SKAP1: variants seen among roughly 807,000 people sequenced by gnomAD.
The protein encoded by SKAP1 is src kinase associated phosphoprotein 1.
SKAP1 carries 44 observed loss-of-function variants against 58.5 expected under a neutral mutation model. The observed-to-expected ratio is 0.75, with a 90% CI of 0.59 to 0.97. The LOEUF (loss-of-function observed/expected upper bound fraction) is 0.97, where lower values mean the gene tolerates loss of function less well. Among genes scored for constraint, SKAP1 ranks in the 50% least tolerant of loss-of-function variants. The pLI is 0.00. For synonymous variants in SKAP1, 127 were observed against 149.7 expected (o/e 0.85, Z 1.11); for missense variants, 390 against 435.2 (o/e 0.90, Z 0.92).
chr17:48,210,090 A>G (rs2064853827), intron 4 of SKAP1, among the ~76,000 whole-genome samples: 1 of 152,212 alleles, frequency 6.6e-6, no homozygotes, highest in Admixed American at 6.5e-5. Flanking sequence ...CAGCTCTCCT[A>G]GGGATAAGGC....
chr17:48,153,947 ATTAAC>A (rs967671919), intron 11 of SKAP1, among the ~76,000 whole-genome samples: 2 of 152,142 alleles, frequency 1.3e-5, no homozygotes, highest in African/African-American at 2.4e-5. Flanking sequence ...AATTGAAGGA[ATTAAC>A]TTATCTGTTT....
At chr17:48,168,297 G>A (rs1396270765) in intron 10 of SKAP1, among the ~76,000 whole-genome samples, 1 of 152,086 alleles carries the variant, frequency 6.6e-6, no homozygotes, top group African/African-American at 2.4e-5. Context: ...AGCATCTTTT[G>A]GGAAAAAAGG....
At chr17:48,303,820 T>C (rs1474889533) in intron 4 of SKAP1, among the ~76,000 whole-genome samples, 3 of 152,198 alleles carry the variant, frequency 2.0e-5, no homozygotes, top group Non-Finnish European at 2.9e-5. Flanking sequence ...GATATTTTCT[T>C]GCTATCTATG....
intron 4 of SKAP1, among the ~76,000 whole-genome samples, chr17:48,247,619 G>A (rs946014773): frequency 6.6e-6 from 1 of 152,114 alleles, no homozygotes; most frequent in Non-Finnish European, 1.5e-5. Context: ...GTTGGAGATA[G>A]TAAGTCATAG....
chr17:48,333,684 A>G (rs961182527), intron 4 of SKAP1, among the ~76,000 whole-genome samples: 5 of 152,100 alleles, frequency 3.3e-5, no homozygotes, highest in African/African-American at 1.2e-4. Context: ...AGGGAATTAC[A>G]TTAAAATTTA....
chr17:48,441,294 A>C, the SKAP1 span, among the ~76,000 whole-genome samples: 7 of 152,182 alleles, frequency 4.6e-5, no homozygotes, highest in African/African-American at 1.7e-4. Flanking sequence ...CCTTTTACCT[A>C]CAGAGAGAAA....
At chr17:48,206,812 G>A (rs1222496181) in intron 4 of SKAP1, among the ~76,000 whole-genome samples, 1 of 152,100 alleles carries the variant, frequency 6.6e-6, no homozygotes, top group Non-Finnish European at 1.5e-5. Flanking sequence ...ACTGCTTGTA[G>A]TATTATTTGA....
intron 12 of SKAP1, chr17:48,136,828 AT>A (rs34823377): frequency 0.69 from 103,827 of 149,828 alleles, 37,186 homozygotes; most frequent in East Asian, 0.81. Context: ...CACCTGACTA[AT>A]TTTTTTTTTT....
At chr17:48,283,635 T>G (rs1371424501) in intron 4 of SKAP1, among the ~76,000 whole-genome samples, 1 of 152,218 alleles carries the variant, frequency 6.6e-6, no homozygotes, top group East Asian at 1.9e-4. Flanking sequence ...AGGATCTCAC[T>G]AACTCTTGAA....
At chr17:48,357,616 C>T (rs558181079) in intron 3 of SKAP1, among the ~76,000 whole-genome samples, 5 of 151,416 alleles carry the variant, frequency 3.3e-5, no homozygotes, top group East Asian at 3.9e-4. Flanking sequence ...GGTGACAGAG[C>T]GAGACTCTGT....
At chr17:48,404,701 A>G in intron 1 of SKAP1, among the ~76,000 whole-genome samples, 1 of 152,232 alleles carries the variant, frequency 6.6e-6, no homozygotes, top group East Asian at 1.9e-4. Context: ...AATAAAATAT[A>G]GAAAAAAGAA....
chr17:48,254,673 C>T (rs2065403814), intron 4 of SKAP1, among the ~76,000 whole-genome samples: 1 of 149,792 alleles, frequency 6.7e-6, no homozygotes, highest in African/African-American at 2.5e-5. Flanking sequence ...CTACTAGATG[C>T]AAGATGTAAA....
chr17:48,409,683 A>T (rs1030216980), intron 1 of SKAP1, among the ~76,000 whole-genome samples: 2 of 151,944 alleles, frequency 1.3e-5, no homozygotes, highest in East Asian at 3.9e-4. Context: ...AAAAAAAAAA[A>T]AAAGGAATGA....
chr17:48,193,244 T>C (rs113866544), intron 4 of SKAP1, among the ~76,000 whole-genome samples: 9,624 of 152,170 alleles, frequency 0.063, 436 homozygotes, highest in East Asian at 0.17. Context: ...GGTTTCTCCA[T>C]GTTGGTCAGG....
intron 1 of SKAP1, among the ~76,000 whole-genome samples, chr17:48,420,163 G>A (rs921652095): frequency 9.2e-5 from 14 of 152,178 alleles, no homozygotes; most frequent in Non-Finnish European, 2.9e-5. Context: ...TCTGTAGGGT[G>A]TAATGGCTTA....
chr17:48,173,970 A>T (rs1049806565), intron 9 of SKAP1, among the ~76,000 whole-genome samples: 13 of 152,202 alleles, frequency 8.5e-5, no homozygotes, highest in Non-Finnish European at 1.8e-4. Flanking sequence ...AAAATAGGAG[A>T]ATGTAAATGT....
chr17:48,220,553 C>T (rs759403153), intron 4 of SKAP1, among the ~76,000 whole-genome samples: 3 of 151,972 alleles, frequency 2.0e-5, no homozygotes, highest in Admixed American at 1.3e-4. Flanking sequence ...ATAACTGGGA[C>T]GGGGCATAAA....
chr17:48,271,342 A>C (rs910548856), intron 4 of SKAP1, among the ~76,000 whole-genome samples: 2 of 150,416 alleles, frequency 1.3e-5, no homozygotes, highest in Non-Finnish European at 3.0e-5. Flanking sequence ...AGTGATATTA[A>C]TATTCTTGTT....
At chr17:48,373,233 A>G (rs903749784) in intron 2 of SKAP1, among the ~76,000 whole-genome samples, 4 of 152,202 alleles carry the variant, frequency 2.6e-5, no homozygotes, top group Admixed American at 1.3e-4. Context: ...ACAGGGTGGC[A>G]GGAGAGAGAG....
Sources: allele counts gnomAD v4.1 joint callset (sites outside exome capture counted in the v4.1 genomes callset), GRCh38; gene constraint gnomAD v4.1.1; transcripts MANE v1.5; gene names NCBI Gene and HGNC (gene_info 2026-07-23, HGNC 2026-07-21).